ITGA1: variants seen among roughly 807,000 people sequenced by gnomAD.
ITGA1 encodes integrin alpha-1.
A neutral mutation model predicts 145.9 loss-of-function variants in ITGA1; 85 were observed. That is an observed-to-expected ratio of 0.58 (90% CI 0.49 to 0.70). The LOEUF is 0.70. ITGA1 is among the 30% of genes least tolerant of loss of function. ITGA1 has a pLI of 0.00. For synonymous variants in ITGA1, 520 were observed against 495.3 expected (o/e 1.05, Z -0.66); for missense variants, 1,351 against 1,418.7 (o/e 0.95, Z 0.77).
At chr5:52,800,449 G>A in intron 1 of ITGA1, 1 of 1,614,046 alleles carries the variant, frequency 6.2e-7, no homozygotes, top group Non-Finnish European at 8.5e-7. Context: ...GGTGACCCTG[G>A]TCCCCGAGGA....
Position 52,881,858 on chromosome 5 carries a change from G to T in ITGA1, c.625-15G>T, listed in dbSNP as rs1749965492. On this transcript the variant is annotated splice_polypyrimidine_tract_variant and intron_variant, in intron 6 of 28. Transcript: ENST00000282588. ...TTTGGATTGACGTATAACTCACAGT[G>T]GCTTGGTATTTCAGGTTGGAATTGT... 1 of 1,599,598 alleles carries T rather than the reference G, an allele frequency of 6.3e-7. No homozygotes were observed. Among genetic ancestry groups the T allele is most frequent in the Non-Finnish European group, 8.5e-7 (1 of 1,172,432 alleles).
intron 14 of ITGA1, among the ~76,000 whole-genome samples, chr5:52,912,104 G>GTATATAGATACACTATATATAGCA (rs1561246870): frequency 1.4e-5 from 2 of 137,940 alleles, no homozygotes; most frequent in Admixed American, 7.5e-5. Context: ...TATATATAGC[G>GTATATAGATACACTATATATAGCA]TATCTAGTAT....
intron 7 of ITGA1, 53 bp from the exon 8 acceptor site, chr5:52,887,762 T>C: frequency 3.3e-6 from 5 of 1,521,718 alleles, no homozygotes; most frequent in Non-Finnish European, 4.4e-6. Flanking sequence ...TTTTACTTTG[T>C]CTATTGTAAA....
chr5:52,795,543 A>G (rs1283141366), intron 1 of ITGA1, among the ~76,000 whole-genome samples: 1 of 151,954 alleles, frequency 6.6e-6, no homozygotes, highest in Admixed American at 6.5e-5. Context: ...CAACTCACCA[A>G]TGAGGTCCAT....
At chr5:52,910,464 G>A (rs778839056) in intron 14 of ITGA1, 45 bp downstream of exon 14, 42 of 1,580,800 alleles carry the variant, frequency 2.7e-5, no homozygotes, top group Middle Eastern at 1.7e-4. Context: ...GTGATAAGTC[G>A]GTTCAATGCC....
intron 3 of ITGA1, among the ~76,000 whole-genome samples, chr5:52,862,851 AT>A: frequency 6.6e-6 from 1 of 152,120 alleles, no homozygotes; most frequent in East Asian, 1.9e-4. Context: ...CACATATTGT[AT>A]TTTTCAGTTC....
chr5:52,922,545 T>G (rs1380337342), intron 17 of ITGA1, among the ~76,000 whole-genome samples: 1 of 152,102 alleles, frequency 6.6e-6, no homozygotes, highest in Non-Finnish European at 1.5e-5. Context: ...TCTGAGGAAC[T>G]GGAAGTGAGT....
Position 52,928,160 on chromosome 5 carries a change from A to G in ITGA1, c.2694+496A>G, listed in dbSNP as rs556091554. Among the ~76,000 whole-genome samples the G allele has an allele frequency of 2.6e-5, 4 of 152,340 alleles. No homozygotes were observed. In the East Asian group the frequency reaches 7.7e-4, roughly 29 times the overall value. ...TACAAGGTATTTATAAATAACAGAA[A>G]CATATTTAACAACCTTGTAACAATT... On this transcript the variant is annotated intron_variant, in intron 20 of 28. Transcript: ENST00000282588.
chr5:52,802,226 T>C (rs1468258875), intron 1 of ITGA1: 7 of 162,730 alleles, frequency 4.3e-5, no homozygotes, highest in Middle Eastern at 3.1e-3. Flanking sequence ...TGCTATCTTA[T>C]CCTGTTTACA....
intron 17 of ITGA1, among the ~76,000 whole-genome samples, chr5:52,921,733 T>G (rs2111873825): frequency 6.6e-6 from 1 of 152,334 alleles, no homozygotes; most frequent in South Asian, 2.1e-4. Flanking sequence ...AAAGAAGCAC[T>G]TTGAAATTTG....
chr5:52,929,181 G>A (rs1323004278), intron 20 of ITGA1, among the ~76,000 whole-genome samples: 2 of 152,130 alleles, frequency 1.3e-5, no homozygotes, highest in African/African-American at 2.4e-5. Flanking sequence ...TAGATCTAGT[G>A]TCTGGTGAGG....
At chr5:52,798,089 T>C (rs1303862981) in intron 1 of ITGA1, among the ~76,000 whole-genome samples, 2 of 152,174 alleles carry the variant, frequency 1.3e-5, no homozygotes, top group African/African-American at 4.8e-5. Context: ...CAATTAGGAA[T>C]TTTAAGTTAA....
chr5:52,911,010 AT>A (rs1561245859), intron 14 of ITGA1, among the ~76,000 whole-genome samples: 1 of 16,360 alleles, frequency 6.1e-5, no homozygotes, highest in Admixed American at 7.1e-4. Flanking sequence ...TGTATACTGT[AT>A]ATACTATATA....
chr5:52,905,689 T>A, intron 11 of ITGA1, 74 bp from the exon 12 acceptor site: 1 of 1,250,744 alleles, frequency 8.0e-7, no homozygotes, highest in Non-Finnish European at 1.1e-6. Flanking sequence ...CTTGGCCATT[T>A]AAAAAGAGTC....
chr5:52,886,315 A>G (rs1474607424), intron 7 of ITGA1, among the ~76,000 whole-genome samples: 1 of 152,214 alleles, frequency 6.6e-6, no homozygotes, highest in East Asian at 1.9e-4. Flanking sequence ...AGTCCTTCGA[A>G]AGGAAAAGTC....
Position 52,813,529 on chromosome 5 carries a change from G to A in ITGA1, c.61+25115G>A, listed in dbSNP as rs949122639. Among the ~76,000 whole-genome samples, 12 of 152,278 alleles carry A rather than the reference G, an allele frequency of 7.9e-5. No individual in the cohort carries two copies. In the South Asian group the frequency reaches 2.5e-3, roughly 32 times the overall value. On this transcript the variant is annotated intron_variant, in intron 1 of 28. Transcript: ENST00000282588. Reference sequence around the variant, plus strand: ...AAAGAGGCTCAGATAGGAACAAAGAGGGGAGGCACAGTCAGAACCCTGCTA... The same window carrying A: ...AAAGAGGCTCAGATAGGAACAAAGAAGGGAGGCACAGTCAGAACCCTGCTA...
chr5:52,865,765 C>A lies in ITGA1; in HGVS notation c.572C>A (p.Ala191Asp). Residue 191 changes from alanine to aspartate, a missense_variant, in exon 6 of 29, where the codon GCT (alanine) becomes GAT (aspartate). By Grantham distance (126) the Ala-to-Asp change is moderately radical. Transcript: ENST00000282588. Reference protein sequence around the residue: ...NSIYPWDSVTAFLNDLLERMD... With the variant: ...NSIYPWDSVTDFLNDLLERMD... Reference sequence around the variant, plus strand: ...ATTTACCCATGGGACAGTGTTACAGCTTTTTTAAATGACCTTCTTGAAAGA... The same window carrying A: ...ATTTACCCATGGGACAGTGTTACAGATTTTTTAAATGACCTTCTTGAAAGA... The A allele has an allele frequency of 1.9e-6, 3 of 1,604,750 alleles. No individual in the cohort carries two copies. Among genetic ancestry groups the A allele is most frequent in the Non-Finnish European group, 2.6e-6 (3 of 1,176,216 alleles).
intron 1 of ITGA1, among the ~76,000 whole-genome samples, chr5:52,789,043 A>G (rs1448519443): frequency 6.6e-6 from 1 of 152,228 alleles, no homozygotes; most frequent in Non-Finnish European, 1.5e-5. Flanking sequence ...TACTTTTAAG[A>G]TGCAAAATAT....
In ITGA1 at chr5:52,922,828, A is replaced by C. The variant is rs1468918399; in HGVS notation, c.2344A>C (p.Thr782Pro). The change falls in exon 18 of 29, where the codon ACC becomes CCC. Residue 782 changes from threonine (T) to proline (P), a missense_variant. By Grantham distance (38) the Thr-to-Pro change is conservative (BLOSUM62 -1). Coordinates refer to ENST00000282588, the MANE Select transcript of ITGA1 (RefSeq NM_181501.2). The stretch of plus-strand genomic sequence containing the variant: ...GAGAATAACGTTGGACTTTAATCTT[A>C]CCGATCCAGAAAATGGGCCTGTTCT... ...SVRITLDFNL[T>P]DPENGPVLDD... 6.2e-6 allele frequency: 10 copies of C among 1,613,572 alleles called. No homozygotes were observed. In the African/African-American group the frequency reaches 1.3e-4, roughly 22 times the overall value.
Sources: gnomAD v4.1 joint callset for allele counts (sites outside exome capture counted in the v4.1 genomes callset) on GRCh38, gnomAD v4.1.1 for gene constraint, MANE v1.5 for transcripts, NCBI Gene and HGNC (gene_info 2026-07-23, HGNC 2026-07-21) for gene names.